The following LIPN variants were observed in gnomAD, a reference collection of about 807,000 sequenced individuals.
The protein encoded by LIPN is lipase family member N, also known as lipase member N.
LIPN carries 32 observed loss-of-function variants against 43.7 expected under a neutral mutation model. That is an observed-to-expected ratio of 0.73 (90% CI 0.55 to 0.98). LIPN has a LOEUF of 0.98. Among genes scored for constraint, LIPN ranks in the 50% least tolerant of loss-of-function variants. The probability of loss-of-function intolerance (pLI) is 0.00; values close to 1 mark genes in which losing one functional copy is unlikely to be tolerated. For missense variants in LIPN, 505 were observed against 483.8 expected, an observed-to-expected ratio of 1.04 and a Z score of -0.41; for synonymous variants, 156 against 157.6, an observed-to-expected ratio of 0.99 and a Z score of 0.08.
intron 3 of LIPN, among the ~76,000 whole-genome samples, chr10:88,762,820 T>G (rs988298779): frequency 2.2e-4 from 33 of 152,048 alleles, no homozygotes; most frequent in African/African-American, 7.0e-4. Context: ...CACATACACT[T>G]TGATCTAAGG....
intron 4 of LIPN, among the ~76,000 whole-genome samples, chr10:88,765,733 C>T (rs1234262827): frequency 6.6e-6 from 1 of 151,852 alleles, no homozygotes; most frequent in Non-Finnish European, 1.5e-5. Flanking sequence ...CAGCCAGAGT[C>T]GTTTCTTTCA....
intron 1 of LIPN, among the ~76,000 whole-genome samples, chr10:88,760,812 T>C (rs974085769): frequency 3.3e-5 from 5 of 152,134 alleles, no homozygotes; most frequent in Non-Finnish European, 5.9e-5. Context: ...GCACGCTGTT[T>C]AGTGTTATAG....
intron 1 of LIPN, among the ~76,000 whole-genome samples, chr10:88,760,850 T>G (rs548125263): frequency 6.6e-6 from 1 of 152,304 alleles, no homozygotes; most frequent in African/African-American, 2.4e-5. Context: ...ATAGACATAC[T>G]TTTAAACCAT....
intron 2 of LIPN, 80 bp downstream of exon 2, chr10:88,761,593 C>T (rs1471862891): frequency 2.2e-6 from 2 of 903,648 alleles, no homozygotes; most frequent in South Asian, 1.6e-5. Context: ...CCTGTTGTAA[C>T]AGAAAATCTC....
At position 88,770,966 on chromosome 10, in the gene LIPN, G is replaced by T. The variant is rs1843198205; in HGVS notation, c.794G>T (p.Gly265Val). Residue 265 changes from glycine (G) to valine (V), a missense_variant, in exon 7 of 10, where the codon GGA (glycine) becomes GTA (valine). By Grantham distance (109) the Gly-to-Val change is moderately radical. Transcript: ENST00000404459. ...ICSEFMSLWA[G>V]SNKKNMNQSR... Reference sequence around the variant, plus strand: ...AGCGAATTTATGTCCTTATGGGCTGGATCCAACAAGAAAAATATGAATCAG... The same window carrying T: ...AGCGAATTTATGTCCTTATGGGCTGTATCCAACAAGAAAAATATGAATCAG... The T allele has an allele frequency of 6.4e-7, 1 of 1,572,118 alleles. No homozygotes were observed. The highest frequency in any genetic ancestry group is 8.6e-7 in the Non-Finnish European group (1 of 1,156,744).
intron 9 of LIPN, among the ~76,000 whole-genome samples, chr10:88,776,518 AT>A: frequency 6.6e-6 from 1 of 152,178 alleles, no homozygotes; most frequent in East Asian, 1.9e-4. Context: ...AGCCGGTCCT[AT>A]TTTGTGAATT....
intron 6 of LIPN, among the ~76,000 whole-genome samples, chr10:88,769,244 A>T (rs1316036964): frequency 1.3e-5 from 2 of 151,836 alleles, no homozygotes; most frequent in African/African-American, 4.8e-5. Context: ...TGTTCCATTT[A>T]GTCAGGTAGG....
In LIPN at chr10:88,764,054, C is replaced by T. The variant is rs1026547466; in HGVS notation, c.227-356C>T. 3.3e-5 allele frequency among the ~76,000 whole-genome samples: 5 copies of T among 151,936 alleles called. No homozygotes were observed. In the East Asian group the frequency reaches 9.7e-4, roughly 30 times the overall value. ...GCTCTGGCCTTCTTATCTGGGTGGC[C>T]CTCTGGGAAAGTTACTTAACTACAT... On this transcript the variant is annotated intron_variant, in intron 3 of 9. Transcript: ENST00000404459.
chr10:88,766,249 G>T lies in LIPN; in HGVS notation c.426-20G>T. The T allele has an allele frequency of 1.7e-6, 2 of 1,155,170 alleles. No homozygotes were observed. Among genetic ancestry groups the T allele is most frequent in the Non-Finnish European group, 2.6e-6 (2 of 771,658 alleles). The allele number at this position is 1,155,170 out of a possible 1,614,324, so 71.6% of individuals were successfully genotyped here. A position where few individuals can be genotyped will look rare whatever the true frequency, so the allele number is the denominator to read the frequency against. On this transcript the variant is annotated intron_variant, in intron 4 of 9. Coordinates refer to ENST00000404459, the MANE Select transcript of LIPN (RefSeq NM_001102469.2). ...CTTAAACTTGCAAGTATTTATAAAA[G>T]CCCCTGTTTTATTTTGCAGTTTTGA...
Position 88,778,644 on chromosome 10 carries a change from T to C in LIPN, c.*402T>C, listed in dbSNP as rs567741874. ...TGGATTGCTATGGCAATGGACAGAGTGTGGGATTAGGAGGAGGGCCTGTAA... is the reference window on the plus strand; with the variant it reads ...TGGATTGCTATGGCAATGGACAGAGCGTGGGATTAGGAGGAGGGCCTGTAA... On this transcript the variant is annotated 3_prime_UTR_variant, in exon 10 of 10. Coordinates refer to ENST00000404459, the MANE Select transcript of LIPN (RefSeq NM_001102469.2). Among the ~76,000 whole-genome samples, 1 of 152,090 alleles carries C rather than the reference T, an allele frequency of 6.6e-6. No individual in the cohort carries two copies. The highest frequency in any genetic ancestry group is 2.1e-4 in the South Asian group (1 of 4,828).
rs71022539 is a variant in LIPN, at chr10:88,761,718, G to GCTATCTATCTAT, written c.108+238_108+249dup. 5.3e-3 allele frequency among the ~76,000 whole-genome samples: 773 copies of GCTATCTATCTAT among 145,822 alleles called. 4 individuals are homozygous for GCTATCTATCTAT. The highest frequency in any genetic ancestry group is 8.5e-3 in the Non-Finnish European group (565 of 66,164). On this transcript the variant is annotated intron_variant, in intron 2 of 9. Transcript: ENST00000404459. ...AATGAAAACCAAATTGTGCTATTGT[G>GCTATCTATCTAT]CTATCTATCTATCTATCTATCTATC...
intron 6 of LIPN, chr10:88,769,503 C>G: frequency 1.3e-6 from 1 of 762,874 alleles, no homozygotes; most frequent in Non-Finnish European, 1.6e-6. Flanking sequence ...GGGATTTTAT[C>G]TATTAAAGGG....
intron 9 of LIPN, among the ~76,000 whole-genome samples, chr10:88,777,085 A>G (rs1843307695): frequency 6.6e-6 from 1 of 152,124 alleles, no homozygotes; most frequent in African/African-American, 2.4e-5. Context: ...TCATCTTTTT[A>G]TCATAGCTAC....
intron 6 of LIPN, among the ~76,000 whole-genome samples, chr10:88,770,073 A>T (rs986059443): frequency 6.6e-6 from 1 of 151,790 alleles, no homozygotes; most frequent in African/African-American, 2.4e-5. Flanking sequence ...TCTCAGTTTC[A>T]CATTTCCCAC....
chr10:88,766,955 G>A (rs1462484229), intron 5 of LIPN, among the ~76,000 whole-genome samples: 1 of 151,926 alleles, frequency 6.6e-6, no homozygotes, highest in African/African-American at 2.4e-5. Flanking sequence ...TAAGCACTAT[G>A]TAGAAATTTC....
chr10:88,759,342 A>C (rs1007147545), upstream of LIPN, among the ~76,000 whole-genome samples: 3 of 152,138 alleles, frequency 2.0e-5, no homozygotes, highest in Admixed American at 6.6e-5. Context: ...TTACGGCTTA[A>C]GCTCCACAGG....
At chr10:88,777,862 T>G (rs1003494978) in intron 9 of LIPN, 147 bp from the exon 10 acceptor site, 1 of 532,530 alleles carries the variant, frequency 1.9e-6, no homozygotes, top group Admixed American at 3.1e-5. Flanking sequence ...TGCAAATTTC[T>G]TAAAGGTAGA....
At chr10:88,764,367 C>A (rs1843052929) in intron 3 of LIPN, 43 bp from the exon 4 acceptor site, 1 of 1,459,272 alleles carries the variant, frequency 6.9e-7, no homozygotes, top group East Asian at 2.3e-5. Context: ...CTCTCTCTCT[C>A]TTTCTCTTTC....
chr10:88,761,678 C>T (rs1438829104), intron 2 of LIPN, among the ~76,000 whole-genome samples, 165 bp downstream of exon 2: 1 of 152,006 alleles, frequency 6.6e-6, no homozygotes, highest in Non-Finnish European at 1.5e-5. Context: ...GTCTGAAAAA[C>T]AAATACTGTC....
Sources: gnomAD v4.1 joint callset for allele counts (sites outside exome capture counted in the v4.1 genomes callset) on GRCh38, gnomAD v4.1.1 for gene constraint, MANE v1.5 for transcripts, NCBI Gene and HGNC (gene_info 2026-07-23, HGNC 2026-07-21) for gene names.